Variants in ELP4 observed in about 807,000 individuals in gnomAD.
The protein encoded by ELP4 is elongator acetyltransferase complex subunit 4, also known as elongator complex protein 4.
In ELP4, 51 loss-of-function variants were observed where a neutral mutation model predicts 48.9. That is an observed-to-expected ratio of 1.04 (90% CI 0.83 to 1.32). ELP4 has a LOEUF of 1.32. ELP4 is among the 40% of genes most tolerant of loss of function. The probability of loss-of-function intolerance (pLI) is 0.00; values close to 1 mark genes in which losing one functional copy is unlikely to be tolerated. For missense variants in ELP4, 519 were observed against 514.6 expected (o/e 1.01, Z -0.08); for synonymous variants, 210 against 189.2 (o/e 1.11, Z -0.90).
chr11:31,765,117 G>A (rs1246746086), intron 9 of ELP4, among the ~76,000 whole-genome samples: 1 of 152,118 alleles, frequency 6.6e-6, no homozygotes, highest in Non-Finnish European at 1.5e-5. Flanking sequence ...CAGTTTCCCA[G>A]CAAAATCTGT....
chr11:31,615,103 A>G (rs975941130), intron 5 of ELP4, among the ~76,000 whole-genome samples: 1 of 152,112 alleles, frequency 6.6e-6, no homozygotes, highest in African/African-American at 2.4e-5. Flanking sequence ...TAAATTATTA[A>G]GAAGTGATAA....
chr11:31,592,640 G>A (rs1218235106), intron 3 of ELP4, among the ~76,000 whole-genome samples: 1 of 151,146 alleles, frequency 6.6e-6, no homozygotes. Flanking sequence ...TTGATAAAGT[G>A]TATTTTCTGT....
chr11:31,718,564 T>G (rs1946888718), intron 9 of ELP4, among the ~76,000 whole-genome samples: 1 of 152,192 alleles, frequency 6.6e-6, no homozygotes, highest in Non-Finnish European at 1.5e-5. Context: ...TGGCTACAGT[T>G]TGGAATCAAC....
At position 31,634,584 on chromosome 11, in the gene ELP4, T is replaced by A. The variant is rs1194492796; in HGVS notation, c.927+2179T>A. Among the ~76,000 whole-genome samples the A allele has an allele frequency of 3.3e-5, 5 of 152,064 alleles. No homozygotes were observed. The East Asian group carries it at 9.7e-4, about 30-fold the overall frequency. ...GACAGTGAATCCTGTACCCTCTGTT[T>A]AAGGGAACAGCAGATTCTATCAGAT... On this transcript the variant is annotated intron_variant, in intron 7 of 9. Coordinates refer to ENST00000640961, the MANE Select transcript of ELP4 (RefSeq NM_019040.5).
intron 9 of ELP4, among the ~76,000 whole-genome samples, chr11:31,694,344 G>A (rs1198325820): frequency 2.0e-5 from 3 of 152,138 alleles, no homozygotes; most frequent in African/African-American, 4.8e-5. Context: ...TTTGTATAAG[G>A]TGTAAGGAAG....
intron 9 of ELP4, among the ~76,000 whole-genome samples, chr11:31,698,655 C>A (rs1946460375): frequency 6.6e-6 from 1 of 152,124 alleles, no homozygotes; most frequent in Non-Finnish European, 1.5e-5. Flanking sequence ...TCAAGTGATC[C>A]ACCCCTCTCA....
rs539903003 is a variant in ELP4, at chr11:31,710,529, A to T, written c.1143+60308A>T. Among the ~76,000 whole-genome samples the T allele has an allele frequency of 3.9e-5, 6 of 152,100 alleles. No homozygotes were observed. In the East Asian group the frequency reaches 1.2e-3, roughly 29 times the overall value. On this transcript the variant is annotated intron_variant, in intron 9 of 9. Coordinates refer to ENST00000640961, the MANE Select transcript of ELP4 (RefSeq NM_019040.5). ...AGTCCCAGCTATTCTGGAGGCTGAG[A>T]CAGGAGAATTGCTTGAACCTTGGAG...
At chr11:31,719,998 T>TA (rs1278456629) in intron 9 of ELP4, 1 of 152,218 alleles carries the variant, frequency 6.6e-6, no homozygotes, top group Non-Finnish European at 1.5e-5. Flanking sequence ...TGGCCTTTTG[T>TA]AAAAAAGCTT....
chr11:31,678,284 CA>C (rs1945973524), intron 9 of ELP4, among the ~76,000 whole-genome samples: 1 of 151,834 alleles, frequency 6.6e-6, no homozygotes, highest in Non-Finnish European at 1.5e-5. Context: ...CCTGTCTCTG[CA>C]AAAAATTTTA....
chr11:31,610,498 C>T (rs1442964991), intron 5 of ELP4, among the ~76,000 whole-genome samples: 1 of 152,142 alleles, frequency 6.6e-6, no homozygotes, highest in Admixed American at 6.5e-5. Context: ...AGGTGTTTTT[C>T]AACCCTTGCC....
At chr11:31,740,522 G>A (rs1490581236) in intron 9 of ELP4, among the ~76,000 whole-genome samples, 1 of 152,218 alleles carries the variant, frequency 6.6e-6, no homozygotes, top group African/African-American at 2.4e-5. Flanking sequence ...ATGCAATTAA[G>A]TCTGTGGTGC....
chr11:31,757,407 C>A (rs1444830187), intron 9 of ELP4, among the ~76,000 whole-genome samples: 1 of 152,000 alleles, frequency 6.6e-6, no homozygotes, highest in Non-Finnish European at 1.5e-5. Context: ...CCATGCCAAG[C>A]ATGATATTTT....
chr11:31,705,009 C>CAA (rs777988313), intron 9 of ELP4, among the ~76,000 whole-genome samples: 2 of 114,582 alleles, frequency 1.7e-5, no homozygotes, highest in Non-Finnish European at 1.9e-5. Context: ...GACTCCATCT[C>CAA]AAAAAAAAAA....
At chr11:31,740,823 G>C (rs922497777) in intron 9 of ELP4, among the ~76,000 whole-genome samples, 1 of 152,238 alleles carries the variant, frequency 6.6e-6, no homozygotes, top group Non-Finnish European at 1.5e-5. Context: ...TGATGCAGAA[G>C]ACGGGTGATT....
intron 9 of ELP4, among the ~76,000 whole-genome samples, chr11:31,706,417 A>G (rs958036380): frequency 1.3e-5 from 2 of 151,470 alleles, no homozygotes; most frequent in African/African-American, 2.4e-5. Context: ...GATTGCTTGA[A>G]GCCAGCACTT....
In ELP4 at chr11:31,602,355, A is replaced by G. The variant is rs542740497; in HGVS notation, c.514-1413A>G. Among the ~76,000 whole-genome samples, 7 of 152,080 alleles carry G rather than the reference A, an allele frequency of 4.6e-5. No homozygotes were observed. The South Asian group carries it at 1.0e-3, about 22-fold the overall frequency. On this transcript the variant is annotated intron_variant, in intron 4 of 9. Coordinates refer to ENST00000640961, the MANE Select transcript of ELP4 (RefSeq NM_019040.5). ...TTTTTAAGTTTGTACCCTATTTTTA[A>G]GAAACATTTTAATATTATATATTTT...
intron 9 of ELP4, among the ~76,000 whole-genome samples, chr11:31,699,350 TTCCTAC>T: frequency 6.6e-6 from 1 of 151,958 alleles, no homozygotes; most frequent in East Asian, 1.9e-4. Flanking sequence ...TTCAAAGAGG[TTCCTAC>T]TAGCCAGTCT....
At chr11:31,510,102 C>A in intron 1 of ELP4, 95 bp downstream of exon 1, 2 of 1,154,142 alleles carry the variant, frequency 1.7e-6, no homozygotes, top group Non-Finnish European at 2.5e-6. Flanking sequence ...TCTTTCTGAC[C>A]CCTAAACCTT....
At chr11:31,605,431 G>A (rs931941561) in intron 5 of ELP4, among the ~76,000 whole-genome samples, 7 of 152,106 alleles carry the variant, frequency 4.6e-5, no homozygotes, top group South Asian at 2.1e-4. Context: ...AAATAGGTCA[G>A]GGTAATTTTC....
Sources: gnomAD v4.1 joint callset for allele counts (sites outside exome capture counted in the v4.1 genomes callset) on GRCh38, gnomAD v4.1.1 for gene constraint, MANE v1.5 for transcripts, NCBI Gene and HGNC (gene_info 2026-07-23, HGNC 2026-07-21) for gene names.